The following PPP6C variants were observed in gnomAD, a reference collection of about 807,000 sequenced individuals.
PPP6C encodes the protein protein phosphatase 6 catalytic subunit, also known as serine/threonine-protein phosphatase 6 catalytic subunit.
A neutral mutation model predicts 39.8 loss-of-function variants in PPP6C; 11 were observed. The ratio of observed to expected loss-of-function variants is 0.28; its 90% CI spans 0.17 to 0.46. The LOEUF (loss-of-function observed/expected upper bound fraction) is 0.46, where lower values mean the gene tolerates loss of function less well. Among genes scored for constraint, PPP6C ranks in the 20% least tolerant of loss-of-function variants. The probability of loss-of-function intolerance (pLI) is 1.00; values close to 1 mark genes in which losing one functional copy is unlikely to be tolerated. For synonymous variants in PPP6C, 129 were observed against 130.3 expected (o/e 0.99, Z 0.07); for missense variants, 211 against 373.9 (o/e 0.56, Z 3.59).
chr9:125,179,655 C>CTTTTTT (rs56221170), intron 1 of PPP6C, among the ~76,000 whole-genome samples: 1 of 132,440 alleles, frequency 7.6e-6, no homozygotes, highest in Non-Finnish European at 1.6e-5. Context: ...TTCTCTCTCT[C>CTTTTTT]TTTTTTTTTT....
chr9:125,166,853 C>T (rs12380566), intron 2 of PPP6C, among the ~76,000 whole-genome samples: 35,696 of 152,012 alleles, frequency 0.23, 4,719 homozygotes, highest in Non-Finnish European at 0.3. Flanking sequence ...CTTTCTTCAG[C>T]ATGCAGTAGA....
At chr9:125,165,382 A>G (rs1440372664) in intron 2 of PPP6C, among the ~76,000 whole-genome samples, 1 of 152,116 alleles carries the variant, frequency 6.6e-6, no homozygotes, top group Non-Finnish European at 1.5e-5. Context: ...CTGGGTGACA[A>G]GAGTGAAATT....
intron 6 of PPP6C, chr9:125,150,829 G>A: frequency 2.6e-6 from 2 of 767,038 alleles, no homozygotes; most frequent in Middle Eastern, 2.4e-4. Context: ...AGTGGTTGTG[G>A]CAAAATCAAT....
chr9:125,189,782 C>A lies in PPP6C; in HGVS notation c.-64G>T. On this transcript the variant is annotated 5_prime_UTR_variant, in exon 1 of 7. Coordinates refer to ENST00000373547, the MANE Select transcript of PPP6C (RefSeq NM_002721.5). Reference sequence around the variant, plus strand: ...GCTGTAGCAGCGGCGGCGGCAGCGGCGGAGGCCGAAGCCGGAACTTTCCCT... The same window carrying A: ...GCTGTAGCAGCGGCGGCGGCAGCGGAGGAGGCCGAAGCCGGAACTTTCCCT... 1 of 1,532,456 alleles carries A rather than the reference C, an allele frequency of 6.5e-7. No individual in the cohort carries two copies. Among genetic ancestry groups the A allele is most frequent in the Non-Finnish European group, 8.8e-7 (1 of 1,142,170 alleles). The allele number at this position is 1,532,456 out of a possible 1,614,324, so 94.9% of individuals were successfully genotyped here.
At chr9:125,183,229 G>A (rs1441313692) in intron 1 of PPP6C, among the ~76,000 whole-genome samples, 13 of 151,972 alleles carry the variant, frequency 8.6e-5, no homozygotes, top group Non-Finnish European at 1.9e-4. Context: ...ATATCACCGG[G>A]CCTACTGCTT....
chr9:125,176,269 G>A (rs1829295496), intron 1 of PPP6C, among the ~76,000 whole-genome samples: 1 of 152,172 alleles, frequency 6.6e-6, no homozygotes, highest in South Asian at 2.1e-4. Context: ...GTCACTGGTG[G>A]TGAAAATAAG....
chr9:125,150,550 G>C (rs1432926018), intron 6 of PPP6C: 7 of 531,082 alleles, frequency 1.3e-5, no homozygotes, highest in Non-Finnish European at 2.5e-5. Context: ...GAGTAGCATC[G>C]CAAAGAGATT....
chr9:125,153,159 G>A (rs1835992283), intron 6 of PPP6C, among the ~76,000 whole-genome samples: 1 of 152,034 alleles, frequency 6.6e-6, no homozygotes, highest in Non-Finnish European at 1.5e-5. Flanking sequence ...TGTGGTCCCA[G>A]CTACTCAGGA....
Position 125,149,573 on chromosome 9 carries a change from G to A in PPP6C, c.*100C>T. ...AAAAAAGGCAAGAGGCAGCATTTCA[G>A]CAGCAAAGTGCTCAATAAAAAGTAT... On this transcript the variant is annotated 3_prime_UTR_variant, in exon 7 of 7. Coordinates refer to ENST00000373547, the MANE Select transcript of PPP6C (RefSeq NM_002721.5). 1.5e-6 allele frequency: 2 copies of A among 1,312,456 alleles called. No homozygotes were observed. Among genetic ancestry groups the A allele is most frequent in the Non-Finnish European group, 2.1e-6 (2 of 974,028 alleles). The allele number at this position is 1,312,456 out of a possible 1,614,324, so 81.3% of individuals were successfully genotyped here.
chr9:125,152,556 C>T (rs781259335), intron 6 of PPP6C, among the ~76,000 whole-genome samples: 23 of 152,198 alleles, frequency 1.5e-4, no homozygotes, highest in Middle Eastern at 3.4e-3. Flanking sequence ...GTAGGCTGGG[C>T]GCGGTGGCTC....
intron 3 of PPP6C, among the ~76,000 whole-genome samples, chr9:125,160,507 G>A (rs886246536): frequency 6.6e-6 from 1 of 152,162 alleles, no homozygotes; most frequent in African/African-American, 2.4e-5. Context: ...AGTCTCATGA[G>A]ATCTGATGGT....
At chr9:125,184,073 G>C (rs966189560) in intron 1 of PPP6C, among the ~76,000 whole-genome samples, 2 of 152,148 alleles carry the variant, frequency 1.3e-5, no homozygotes, top group African/African-American at 4.8e-5. Context: ...GGACAGCATA[G>C]CAAGACGCTA....
intron 1 of PPP6C, among the ~76,000 whole-genome samples, chr9:125,176,314 T>C (rs1418062728): frequency 6.6e-6 from 1 of 152,132 alleles, no homozygotes; most frequent in Non-Finnish European, 1.5e-5. Flanking sequence ...CGGGAAGCCA[T>C]TAGAAGTTCT....
chr9:125,171,478 C>CACACACACAT (rs1171157245), intron 1 of PPP6C, among the ~76,000 whole-genome samples: 2 of 83,514 alleles, frequency 2.4e-5, no homozygotes, highest in African/African-American at 1.1e-4. Context: ...CACACACACA[C>CACACACACAT]ATATATATAT....
At position 125,156,116 on chromosome 9, in the gene PPP6C, G is replaced by A. The variant is rs756161472; in HGVS notation, c.379+2125C>T. Among the ~76,000 whole-genome samples the A allele has an allele frequency of 4.0e-4, 61 of 151,942 alleles. 1 individual carries two copies. Among genetic ancestry groups the A allele is most frequent in the Non-Finnish European group, 4.9e-4 (33 of 68,008 alleles). On this transcript the variant is annotated intron_variant, in intron 4 of 6. Coordinates refer to ENST00000373547, the MANE Select transcript of PPP6C (RefSeq NM_002721.5). ...GAATCCAAAAGTTGTATTTCAATTG[G>A]TGTTTATTTTGTGAATGAAAATAAA...
intron 6 of PPP6C, among the ~76,000 whole-genome samples, chr9:125,152,902 G>C (rs1228831456): frequency 7.2e-6 from 1 of 139,522 alleles, no homozygotes; most frequent in Admixed American, 7.3e-5. Flanking sequence ...TGTGTGATTT[G>C]AGGTCTTTGA....
chr9:125,149,953 G>A (rs1338931005), intron 6 of PPP6C, 32 bp from the exon 7 acceptor site: 3 of 1,597,734 alleles, frequency 1.9e-6, no homozygotes, highest in Non-Finnish European at 2.6e-6. Context: ...TAAGTACTTA[G>A]CACTTAAAAA....
At position 125,149,300 on chromosome 9, in the gene PPP6C, G is replaced by A. The variant is rs1475708958; in HGVS notation, c.*373C>T. The A allele has an allele frequency of 1.2e-5, 2 of 165,968 alleles. No individual in the cohort carries two copies. Among genetic ancestry groups the A allele is most frequent in the Admixed American group, 6.2e-5 (1 of 16,196 alleles). The allele number at this position is 165,968 out of a possible 1,614,324, so 10.3% of individuals were successfully genotyped here. On this transcript the variant is annotated 3_prime_UTR_variant, in exon 7 of 7. Transcript: ENST00000373547. ...AAAACTTACCAAACTAAAACAAAAG[G>A]CTGAATGATACAAAAGGAGGAGTAT... is the stretch of plus-strand genomic sequence containing the variant.
chr9:125,180,378 G>A (rs930341805), intron 1 of PPP6C, among the ~76,000 whole-genome samples: 1 of 152,052 alleles, frequency 6.6e-6, no homozygotes, highest in Non-Finnish European at 1.5e-5. Flanking sequence ...TTGCATTAAA[G>A]AACAAATATG....
Sources: allele counts gnomAD v4.1 joint callset (sites outside exome capture counted in the v4.1 genomes callset), GRCh38; gene constraint gnomAD v4.1.1; transcripts MANE v1.5; gene names NCBI Gene and HGNC (gene_info 2026-07-23, HGNC 2026-07-21).